The following ADGRG7 variants were observed in gnomAD, a reference collection of about 807,000 sequenced individuals.
The protein encoded by ADGRG7 is adhesion G protein-coupled receptor G7, also known as G-protein coupled receptor 128.
Under a neutral mutation model 88.6 loss-of-function variants are expected in ADGRG7, and 82 were observed. The observed-to-expected ratio is 0.93, with a 90% CI of 0.77 to 1.11. The LOEUF (loss-of-function observed/expected upper bound fraction) is 1.11. Ranked by LOEUF, ADGRG7 falls within the 50% of genes most tolerant of loss-of-function variation. ADGRG7 has a pLI of 0.00. For missense variants in ADGRG7, 945 were observed against 953.4 expected, an observed-to-expected ratio of 0.99 and a Z score of 0.12; for synonymous variants, 381 against 345.2, an observed-to-expected ratio of 1.10 and a Z score of -1.15.
At chr3:100,687,618 G>C (rs2094985072) in intron 15 of ADGRG7, among the ~76,000 whole-genome samples, 1 of 152,114 alleles carries the variant, frequency 6.6e-6, no homozygotes, top group Non-Finnish European at 1.5e-5. Context: ...GGCCTTTTCT[G>C]CATCTATTGA....
At position 100,694,778 on chromosome 3, in the gene ADGRG7, C is replaced by T; in HGVS notation, c.2171C>T (p.Thr724Ile). Reference sequence around the variant, plus strand: ...ATTTTTATCCTGTACACTGTTAGAACAAAAGTCTTCCAGAGTGAAGCTTCC... The same window carrying T: ...ATTTTTATCCTGTACACTGTTAGAATAAAAGTCTTCCAGAGTGAAGCTTCC... The part of the protein sequence containing the change: ...LQIFILYTVR[T>I]KVFQSEASKV... Residue 724 changes from threonine (T) to isoleucine (I), a missense_variant, in exon 16 of 16, where the codon ACA (threonine) becomes ATA (isoleucine). Thr to Ile is a moderately conservative substitution (Grantham distance 89). Transcript: ENST00000273352. 6.2e-7 allele frequency: 1 copy of T among 1,614,034 alleles called. No individual in the cohort carries two copies. Among genetic ancestry groups the T allele is most frequent in the Non-Finnish European group, 8.5e-7 (1 of 1,179,924 alleles).
chr3:100,649,452 A>C (rs1188745986), intron 10 of ADGRG7, among the ~76,000 whole-genome samples: 1 of 152,290 alleles, frequency 6.6e-6, no homozygotes, highest in East Asian at 1.9e-4. Flanking sequence ...CCAAGACATG[A>C]CTGTATATTT....
At chr3:100,610,040 T>C in intron 1 of ADGRG7, 69 bp downstream of exon 1, 2 of 1,272,558 alleles carry the variant, frequency 1.6e-6, no homozygotes, top group Non-Finnish European at 1.1e-6. Context: ...TGCCACCTGG[T>C]GCACAAGTAC....
chr3:100,632,955 T>G (rs976335348), intron 3 of ADGRG7, among the ~76,000 whole-genome samples: 10 of 152,194 alleles, frequency 6.6e-5, no homozygotes, highest in Admixed American at 5.9e-4. Flanking sequence ...TCAGTATCTA[T>G]TAGGAATTTT....
intron 1 of ADGRG7, among the ~76,000 whole-genome samples, chr3:100,626,946 G>C (rs1707387728): frequency 6.6e-6 from 1 of 152,084 alleles, no homozygotes; most frequent in Non-Finnish European, 1.5e-5. Context: ...TTTATTTTAT[G>C]TCATGCAGTC....
intron 1 of ADGRG7, among the ~76,000 whole-genome samples, chr3:100,619,450 A>G (rs938501397): frequency 6.6e-6 from 1 of 152,190 alleles, no homozygotes; most frequent in African/African-American, 2.4e-5. Context: ...CCACAAGAGA[A>G]AGCAGGAAAG....
In ADGRG7 at chr3:100,659,668, A is replaced by ATTTTTT; in HGVS notation, c.1824-15_1824-10dup. On this transcript the variant is annotated intron_variant, in intron 13 of 15. Coordinates refer to ENST00000273352, the MANE Select transcript of ADGRG7 (RefSeq NM_032787.3). ...ATACCTTTCTTAGTCTGCTGAAGCAATTTTTTTTTTCCTCCACAGCTGCTG... is the reference window on the plus strand; with the variant it reads ...ATACCTTTCTTAGTCTGCTGAAGCAATTTTTTTTTTTTTTTTCCTCCACAGCTGCTG... 5.9e-6 allele frequency: 9 copies of ATTTTTT among 1,514,390 alleles called. No homozygotes were observed. Among genetic ancestry groups the ATTTTTT allele is most frequent in the South Asian group, 2.4e-5 (2 of 82,914 alleles). 93.8% of individuals were successfully genotyped at this position (1,514,390 alleles called of 1,614,324 possible).
chr3:100,662,910 A>C (rs1271230003), intron 14 of ADGRG7, among the ~76,000 whole-genome samples: 2 of 152,154 alleles, frequency 1.3e-5, no homozygotes, highest in African/African-American at 2.4e-5. Flanking sequence ...GAAAAGAACA[A>C]TGCAAAATTT....
rs373946545 is a variant in ADGRG7 at position 100,623,748 on chromosome 3, T to A, written c.116-5850T>A. Reference sequence around the variant, plus strand: ...CCGGTGTGTGTTGTTCCCCTTCCTGTGTTCATGTGTTCTCATTGTTCAACT... The same window carrying A: ...CCGGTGTGTGTTGTTCCCCTTCCTGAGTTCATGTGTTCTCATTGTTCAACT... On this transcript the variant is annotated intron_variant, in intron 1 of 15. Transcript: ENST00000273352. Among the ~76,000 whole-genome samples, 45 of 152,208 alleles carry A rather than the reference T, an allele frequency of 3.0e-4. 1 individual carries two copies. The South Asian group carries it at 5.2e-3, about 18-fold the overall frequency.
At position 100,661,537 on chromosome 3, in the gene ADGRG7, G is replaced by T. The variant is rs182130061; in HGVS notation, c.1979+1694G>T. 1.5e-4 allele frequency among the ~76,000 whole-genome samples: 23 copies of T among 152,162 alleles called. No individual in the cohort carries two copies. The East Asian group carries it at 1.5e-3, about 10-fold the overall frequency. ...AGCTTAAGAAATTGTGCCAGTTGTT[G>T]GTTTTTTTAAATGATGACAGAGAAC... On this transcript the variant is annotated intron_variant, in intron 14 of 15. Transcript: ENST00000273352.
chr3:100,659,756 C>G lies in ADGRG7; in HGVS notation c.1892C>G (p.Pro631Arg). 1.9e-6 allele frequency: 3 copies of G among 1,613,932 alleles called. No individual in the cohort carries two copies. Among genetic ancestry groups the G allele is most frequent in the South Asian group, 2.2e-5 (2 of 91,072 alleles). The change falls in exon 14 of 16, where the codon CCT becomes CGT. Residue 631 changes from proline (P) to arginine (R), a missense_variant. Coordinates refer to ENST00000273352, the MANE Select transcript of ADGRG7 (RefSeq NM_032787.3). Reference protein sequence around the residue: ...KSPLLWSFIVPVTIILISNVV... With the variant: ...KSPLLWSFIVRVTIILISNVV... ...CCGCTGTTGTGGTCATTCATCGTAC[C>G]TGTAACCATTATCCTCATCAGCAAT...
intron 13 of ADGRG7, among the ~76,000 whole-genome samples, chr3:100,659,406 G>A (rs1463651785): frequency 3.2e-5 from 4 of 125,314 alleles, no homozygotes; most frequent in Non-Finnish European, 6.3e-5. Flanking sequence ...CACCACTGCA[G>A]TCCAGCCTGG....
At chr3:100,692,850 G>A (rs989411820) in intron 15 of ADGRG7, among the ~76,000 whole-genome samples, 2 of 152,126 alleles carry the variant, frequency 1.3e-5, no homozygotes, top group Non-Finnish European at 2.9e-5. Flanking sequence ...TACTCAACCA[G>A]AATCTACAGG....
chr3:100,670,598 C>CATGT (rs2094957158), intron 15 of ADGRG7, among the ~76,000 whole-genome samples: 1 of 152,122 alleles, frequency 6.6e-6, no homozygotes. Flanking sequence ...TTCTGGGGTA[C>CATGT]ATGTGCAGAA....
At chr3:100,667,169 C>A (rs1253419178) in intron 14 of ADGRG7, among the ~76,000 whole-genome samples, 1 of 152,110 alleles carries the variant, frequency 6.6e-6, no homozygotes, top group Non-Finnish European at 1.5e-5. Context: ...TCCACCACCA[C>A]ACCTGGTTAA....
intron 5 of ADGRG7, 82 bp downstream of exon 5, chr3:100,635,908 A>T: frequency 1.0e-6 from 1 of 1,001,618 alleles, no homozygotes; most frequent in Non-Finnish European, 1.5e-6. Flanking sequence ...TGTCCTGAAT[A>T]CCACTCCTTA....
At chr3:100,613,425 G>A (rs1311152544) in intron 1 of ADGRG7, among the ~76,000 whole-genome samples, 2 of 152,088 alleles carry the variant, frequency 1.3e-5, no homozygotes, top group African/African-American at 4.8e-5. Context: ...GAGAGAGAAA[G>A]TTGGTTTTAG....
rs147806055 is a variant in ADGRG7 at position 100,640,061 on chromosome 3, C to T, written c.698+2659C>T. Reference sequence around the variant, plus strand: ...CTCTTGTGGACTCAGATCCTTCCTTCATTCACTTAGATAAAGCTTCCTCCT... The same window carrying T: ...CTCTTGTGGACTCAGATCCTTCCTTTATTCACTTAGATAAAGCTTCCTCCT... On this transcript the variant is annotated intron_variant, in intron 6 of 15. Transcript: ENST00000273352. 3.5e-3 allele frequency among the ~76,000 whole-genome samples: 528 copies of T among 152,314 alleles called. 5 individuals are homozygous for T. The highest frequency in any genetic ancestry group is 5.1e-3 in the Non-Finnish European group (350 of 68,024).
At chr3:100,611,738 G>T (rs919766843) in intron 1 of ADGRG7, among the ~76,000 whole-genome samples, 2 of 152,206 alleles carry the variant, frequency 1.3e-5, no homozygotes, top group Non-Finnish European at 2.9e-5. Flanking sequence ...AAAGGAGAGG[G>T]TTCTCACTGT....
Sources: allele counts gnomAD v4.1 joint callset (sites outside exome capture counted in the v4.1 genomes callset), GRCh38; gene constraint gnomAD v4.1.1; transcripts MANE v1.5; gene names NCBI Gene and HGNC (gene_info 2026-07-23, HGNC 2026-07-21).